The following GRM3 variants were observed in gnomAD, a reference collection of about 807,000 sequenced individuals.
GRM3 encodes the protein metabotropic glutamate receptor 3.
Under a neutral mutation model 70.5 loss-of-function variants are expected in GRM3, and 26 were observed. That is an observed-to-expected ratio of 0.37 (90% CI 0.27 to 0.51). GRM3 has a LOEUF of 0.51. Among genes scored for constraint, GRM3 ranks in the 20% least tolerant of loss-of-function variants. The probability of loss-of-function intolerance (pLI) is 0.93; values close to 1 mark genes in which losing one functional copy is unlikely to be tolerated. For synonymous variants in GRM3, 443 were observed against 434.9 expected (o/e 1.02, Z -0.23); for missense variants, 859 against 1,123.8 (o/e 0.76, Z 3.37).
intron 5 of GRM3, among the ~76,000 whole-genome samples, chr7:86,856,495 G>A (rs1291694546): frequency 6.7e-6 from 1 of 150,198 alleles, no homozygotes; most frequent in Non-Finnish European, 1.5e-5. Flanking sequence ...ATAACTATTG[G>A]GTACTGGGCT....
intron 1 of GRM3, among the ~76,000 whole-genome samples, chr7:86,748,536 T>A (rs1209945802): frequency 6.6e-6 from 1 of 151,914 alleles, no homozygotes; most frequent in Admixed American, 6.6e-5. Flanking sequence ...ACCTGAATAA[T>A]CCCCTTCCCC....
At chr7:86,704,116 A>C (rs760812198) in intron 1 of GRM3, among the ~76,000 whole-genome samples, 1 of 151,900 alleles carries the variant, frequency 6.6e-6, no homozygotes, top group African/African-American at 2.4e-5. Flanking sequence ...AATATTTCAC[A>C]TGGCAGCCTC....
rs550544508 is a variant in GRM3 at position 86,759,957 on chromosome 7, G to A, written c.-140-5049G>A. On this transcript the variant is annotated intron_variant, in intron 1 of 5. Coordinates refer to ENST00000361669, the MANE Select transcript of GRM3 (RefSeq NM_000840.3). ...GCTGAAAATGGCAGTCTAGAGCAAC[G>A]GCTATGCCTTTTGTTGCCCATAATA... is the stretch of plus-strand genomic sequence containing the variant. Among the ~76,000 whole-genome samples, 98 of 152,210 alleles carry A rather than the reference G, an allele frequency of 6.4e-4. 1 individual carries two copies. In the South Asian group the frequency reaches 6.9e-3, roughly 11 times the overall value.
Position 86,839,574 on chromosome 7 carries a change from C to A in GRM3, c.2060C>A (p.Ser687Tyr), listed in dbSNP as rs769862932. The A allele has an allele frequency of 1.2e-6, 2 of 1,612,308 alleles. No individual in the cohort carries two copies. Among genetic ancestry groups the A allele is most frequent in the East Asian group, 2.2e-5 (1 of 44,844 alleles). ...AGGCCAAAATTCATCAGCCCCAGTTCTCAGGTTTTCATCTGCCTGGGTCTG... is the reference window on the plus strand; with the variant it reads ...AGGCCAAAATTCATCAGCCCCAGTTATCAGGTTTTCATCTGCCTGGGTCTG... ...AQRPKFISPS[S>Y]QVFICLGLIL... Residue 687 changes from serine to tyrosine, a missense_variant, in exon 4 of 6, where the codon TCT (serine) becomes TAT (tyrosine). Ser to Tyr is a moderately radical substitution (Grantham distance 144). Coordinates refer to ENST00000361669, the MANE Select transcript of GRM3 (RefSeq NM_000840.3). This position sits in a 1 kb window ranked among gnomAD's most constrained non-coding sequence, Gnocchi z 4.5.
rs142306330 is a variant in GRM3 at position 86,856,595 on chromosome 7, T to TAA, written c.2566+6054_2566+6055dup. 5.2e-4 allele frequency among the ~76,000 whole-genome samples: 79 copies of TAA among 151,902 alleles called. 1 individual carries two copies. The East Asian group carries it at 0.013, about 25-fold the overall frequency. On this transcript the variant is annotated intron_variant, in intron 5 of 5. Coordinates refer to ENST00000361669, the MANE Select transcript of GRM3 (RefSeq NM_000840.3). ...TTCACATATATCCCCAAACCTAAAATAAAAGTTAAAAAAAAGAAAGTCCAC... is the reference window on the plus strand; with the variant it reads ...TTCACATATATCCCCAAACCTAAAATAAAAAAGTTAAAAAAAAGAAAGTCCAC...
At chr7:86,764,217 AG>A (rs1346255564) in intron 1 of GRM3, among the ~76,000 whole-genome samples, 3 of 152,090 alleles carry the variant, frequency 2.0e-5, no homozygotes, top group Non-Finnish European at 4.4e-5. Context: ...GAGTTGGCCC[AG>A]GGAGAGGTAG....
In GRM3 at chr7:86,706,360, C is replaced by T. The variant is rs1308817688; in HGVS notation, c.-140-58646C>T. Among the ~76,000 whole-genome samples the T allele has an allele frequency of 2.0e-5, 3 of 152,160 alleles. No homozygotes were observed. The East Asian group carries it at 5.8e-4, about 29-fold the overall frequency. On this transcript the variant is annotated intron_variant, in intron 1 of 5. Coordinates refer to ENST00000361669, the MANE Select transcript of GRM3 (RefSeq NM_000840.3). The stretch of plus-strand genomic sequence containing the variant: ...ATGGTATGATAAAAGATGCTAAATT[C>T]AGCAGAGACCAGGGTCTCAGCTTTA...
chr7:86,802,360 A>T (rs1021566620), intron 3 of GRM3, among the ~76,000 whole-genome samples: 7 of 152,190 alleles, frequency 4.6e-5, no homozygotes, highest in African/African-American at 1.4e-4. Context: ...GGCTCAGCTT[A>T]CCTATGTGCA....
chr7:86,660,675 G>T (rs529078247), intron 1 of GRM3, among the ~76,000 whole-genome samples: 58 of 151,858 alleles, frequency 3.8e-4, no homozygotes, highest in Non-Finnish European at 4.4e-5. Context: ...TATCTATTTT[G>T]AATATCAACT....
At position 86,839,400 on chromosome 7, in the gene GRM3, C is replaced by T. The variant is rs766259508; in HGVS notation, c.1886C>T (p.Thr629Ile). The stretch of plus-strand genomic sequence containing the variant: ...GGGGTTGGCCTGTCATACTGCATGA[C>T]ATTCTTCTTCATTGCCAAGCCATCA... ...LFGVGLSYCM[T>I]FFFIAKPSPV... is the part of the protein sequence containing the mutation. The change falls in exon 4 of 6, where the codon ACA (threonine) becomes ATA (isoleucine). Residue 629 changes from threonine to isoleucine, a missense_variant. Coordinates refer to ENST00000361669, the MANE Select transcript of GRM3 (RefSeq NM_000840.3). This position sits in a 1 kb window ranked among gnomAD's most constrained non-coding sequence, Gnocchi z 4.5. 1 of 1,614,002 alleles carries T rather than the reference C, an allele frequency of 6.2e-7. No homozygotes were observed. The highest frequency in any genetic ancestry group is 8.5e-7 in the Non-Finnish European group (1 of 1,179,908).
intron 1 of GRM3, among the ~76,000 whole-genome samples, chr7:86,712,331 A>G (rs1255645149): frequency 1.3e-5 from 2 of 152,034 alleles, no homozygotes; most frequent in African/African-American, 4.8e-5. Flanking sequence ...ATGTCACTTC[A>G]TCACTCCTCT....
At chr7:86,740,465 G>A (rs12704284) in intron 1 of GRM3, among the ~76,000 whole-genome samples, 50,259 of 151,880 alleles carry the variant, frequency 0.33, 8,970 homozygotes, top group African/African-American at 0.47. Flanking sequence ...TTTGACAAAA[G>A]AAACATTTCA....
chr7:86,796,140 G>A (rs572669471), intron 3 of GRM3, among the ~76,000 whole-genome samples: 1 of 152,272 alleles, frequency 6.6e-6, no homozygotes, highest in East Asian at 1.9e-4. Flanking sequence ...CTTTGCTCAT[G>A]CCTATGTCCT....
chr7:86,823,605 T>TGG (rs1210794799), intron 3 of GRM3, among the ~76,000 whole-genome samples: 3 of 88,240 alleles, frequency 3.4e-5, no homozygotes, highest in African/African-American at 1.5e-4. Context: ...TTTTTTTTTT[T>TGG]GGCGGGGGGG....
rs749456155 is a variant in GRM3, at chr7:86,785,685, ATTTTTTTTTTTTTTT to A, written c.469-557_469-543del. The stretch of plus-strand genomic sequence containing the variant: ...TTGGGTGGTGGACTAAATAGAATTG[ATTTTTTTTTTTTTTT>A]TTTTTTTTTTTTTTTTTTGCTTAAC... On this transcript the variant is annotated intron_variant, in intron 2 of 5. Transcript: ENST00000361669. Among the ~76,000 whole-genome samples, 9 of 65,236 alleles carry A rather than the reference ATTTTTTTTTTTTTTT, an allele frequency of 1.4e-4. No individual in the cohort carries two copies. The South Asian group carries it at 3.8e-3, about 27-fold the overall frequency. 42.8% of individuals were successfully genotyped at this position (65,236 alleles called of 152,430 possible).
At chr7:86,824,449 T>C (rs538085534) in intron 3 of GRM3, among the ~76,000 whole-genome samples, 1 of 152,216 alleles carries the variant, frequency 6.6e-6, no homozygotes, top group African/African-American at 2.4e-5. Context: ...CCTTTGACTA[T>C]GATATCTTTT....
chr7:86,829,362 T>A (rs1410968417), intron 3 of GRM3, among the ~76,000 whole-genome samples: 1 of 152,254 alleles, frequency 6.6e-6, no homozygotes. Context: ...ACCATTTGTG[T>A]GCTTGCTGGA....
intron 1 of GRM3, among the ~76,000 whole-genome samples, chr7:86,660,598 T>G (rs1008517765): frequency 6.7e-6 from 1 of 150,178 alleles, no homozygotes; most frequent in African/African-American, 2.5e-5. Context: ...TGCTCATCCA[T>G]GAAGATGTAT....
intron 1 of GRM3, among the ~76,000 whole-genome samples, chr7:86,647,482 T>C (rs1264182367): frequency 6.6e-6 from 1 of 152,200 alleles, no homozygotes; most frequent in Admixed American, 6.5e-5. Flanking sequence ...GAGGGCAGGA[T>C]TCAGTTACGC....
Sources: gnomAD v4.1 joint callset for allele counts (sites outside exome capture counted in the v4.1 genomes callset) on GRCh38, gnomAD v4.1.1 for gene constraint, Gnocchi (gnomAD v3.1) non-coding constraint, MANE v1.5 for transcripts, NCBI Gene and HGNC (gene_info 2026-07-23, HGNC 2026-07-21) for gene names.